The following HIPK1 variants were observed in gnomAD, a reference collection of about 807,000 sequenced individuals.
The protein encoded by HIPK1 is homeodomain interacting protein kinase 1, also known as homeodomain-interacting protein kinase 1.
A neutral mutation model predicts 117.1 loss-of-function variants in HIPK1; 28 were observed. The observed-to-expected ratio is 0.24, with a 90% confidence interval of 0.18 to 0.33. The LOEUF is 0.33. Ranked by LOEUF, HIPK1 falls within the 10% of genes least tolerant of loss-of-function variation. The pLI, the probability that HIPK1 is intolerant of heterozygous loss-of-function variation, is 1.00. For synonymous variants in HIPK1, 605 were observed against 562.5 expected (o/e 1.08, Z -1.07); for missense variants, 1,122 against 1,475.1 (o/e 0.76, Z 3.92).
chr1:113,975,437 A>G lies in HIPK1; in HGVS notation c.*1925A>G, dbSNP rs1343963209. The G allele has an allele frequency of 2.6e-5, 4 of 152,744 alleles. No homozygotes were observed. Among genetic ancestry groups the G allele is most frequent in the Non-Finnish European group, 5.9e-5 (4 of 68,032 alleles). The allele number at this position is 152,744 out of a possible 1,614,324, so 9.5% of individuals were successfully genotyped here. A position where few individuals can be genotyped will look rare whatever the true frequency, so the allele number is the denominator to read the frequency against. Reference sequence around the variant, plus strand: ...GCGTTGCTACCTTGCTTCTGTGAGAATTCAGGAAGCAGGTGAGAGGAGTCA... The same window carrying G: ...GCGTTGCTACCTTGCTTCTGTGAGAGTTCAGGAAGCAGGTGAGAGGAGTCA... On this transcript the variant is annotated 3_prime_UTR_variant, in exon 16 of 16. Coordinates refer to ENST00000426820, the MANE Select transcript of HIPK1 (RefSeq NM_198268.3).
At chr1:113,936,232 G>GA (rs1400570104) in intron 1 of HIPK1, among the ~76,000 whole-genome samples, 1 of 152,204 alleles carries the variant, frequency 6.6e-6, no homozygotes, top group East Asian at 1.9e-4. Context: ...GAAGACCAGT[G>GA]AAAGAATTCT....
Position 113,962,357 on chromosome 1 carries a change from G to C in HIPK1, c.2022G>C (p.Val674=), listed in dbSNP as rs748077605. The C allele has an allele frequency of 6.2e-7, 1 of 1,613,952 alleles. No individual in the cohort carries two copies. Among genetic ancestry groups the C allele is most frequent in the South Asian group, 1.1e-5 (1 of 91,076 alleles). ...CAACAAAGCATTCTGGATTCCCTGT[G>C]AGGATGGATAATGCTGTACCGATTG... ...QATTKHSGFP[V]RMDNAVPIVP... is the part of the protein sequence containing the mutation. The change falls in exon 9 of 16, where the codon GTG becomes GTC. Residue 674 remains valine, a synonymous_variant. Transcript: ENST00000426820.
chr1:113,968,685 T>C (rs1672623288), intron 13 of HIPK1, 37 bp downstream of exon 13: 4 of 1,566,710 alleles, frequency 2.6e-6, no homozygotes, highest in Non-Finnish European at 3.5e-6. Context: ...CTATTGGTTT[T>C]AGACTGTTGG....
At chr1:113,948,902 A>G (rs939508140) in intron 2 of HIPK1, among the ~76,000 whole-genome samples, 2 of 152,142 alleles carry the variant, frequency 1.3e-5, no homozygotes, top group East Asian at 3.9e-4. Context: ...AATTGACGTA[A>G]TCTTGGCTCA....
intron 4 of HIPK1, 93 bp downstream of exon 4, chr1:113,954,863 G>A: frequency 8.3e-7 from 1 of 1,199,014 alleles, no homozygotes; most frequent in Non-Finnish European, 1.2e-6. Flanking sequence ...TCTTCAGGTA[G>A]AGAAGGGAAA....
intron 5 of HIPK1, among the ~76,000 whole-genome samples, chr1:113,956,109 C>T (rs1043512765): frequency 1.6e-5 from 2 of 123,736 alleles, no homozygotes; most frequent in African/African-American, 3.0e-5. Context: ...GAGTCTCACT[C>T]TATTGCCCAG....
At chr1:113,967,674 C>A in intron 11 of HIPK1, 92 bp from the exon 12 acceptor site, 1 of 817,056 alleles carries the variant, frequency 1.2e-6, no homozygotes, top group Admixed American at 3.0e-5. Context: ...TAAAATGCAG[C>A]TGCATTTTGG....
At position 113,957,130 on chromosome 1, in the gene HIPK1, G is replaced by A. The variant is rs559274718; in HGVS notation, c.1599G>A (p.Lys533=). 4.3e-6 allele frequency: 7 copies of A among 1,612,248 alleles called. No homozygotes were observed. The South Asian group carries it at 7.7e-5, about 18-fold the overall frequency. ...LLDFPHSNHV[K]SCFQNMEICK... ...TCTTTAATCTCCTTTTCAGTGTTAA[G>A]TCTTGTTTTCAGAACATGGAGATCT... Residue 533 remains lysine, a synonymous_variant, in exon 7 of 16, where the codon AAG becomes AAA. Transcript: ENST00000426820.
Position 113,958,237 on chromosome 1 carries a change from A to T in HIPK1, c.1927A>T (p.Thr643Ser). ...GCAGCCTGGAACCACCCAGATTTGC[A>T]CTCAGACAGATCCATTCCAACAGAC... Reference protein sequence around the residue: ...SLQPGTTQICTQTDPFQQTFI... With the variant: ...SLQPGTTQICSQTDPFQQTFI... The change falls in exon 8 of 16, where the codon ACT becomes TCT. Residue 643 changes from threonine (T) to serine (S), a missense_variant. Around this residue, in one of 6 missense-constraint regions of HIPK1, gnomAD observed 731 missense variants for 860.4 expected, o/e 0.85. Coordinates refer to ENST00000426820, the MANE Select transcript of HIPK1 (RefSeq NM_198268.3). 6.2e-7 allele frequency: 1 copy of T among 1,614,158 alleles called. No homozygotes were observed. The highest frequency in any genetic ancestry group is 8.5e-7 in the Non-Finnish European group (1 of 1,180,026).
chr1:113,948,639 C>T (rs1671142355), intron 2 of HIPK1, among the ~76,000 whole-genome samples: 2 of 150,376 alleles, frequency 1.3e-5, no homozygotes, highest in South Asian at 4.2e-4. Context: ...GGTAGAGTTG[C>T]TGTTTTGACT....
At chr1:113,958,505 TTA>T (rs1165419604) in intron 8 of HIPK1, among the ~76,000 whole-genome samples, 5 of 152,248 alleles carry the variant, frequency 3.3e-5, no homozygotes, top group African/African-American at 7.2e-5. Flanking sequence ...AGAGCTCACT[TTA>T]TGTTTCCTTA....
intron 2 of HIPK1, among the ~76,000 whole-genome samples, chr1:113,945,079 G>T (rs1670901538): frequency 6.6e-6 from 1 of 151,604 alleles, no homozygotes; most frequent in East Asian, 2.0e-4. Flanking sequence ...AAACTCATAG[G>T]CTCAAGTGAT....
In HIPK1 at chr1:113,973,240, G is replaced by C; in HGVS notation, c.3361G>C (p.Ala1121Pro). 1 of 1,614,056 alleles carries C rather than the reference G, an allele frequency of 6.2e-7. No individual in the cohort carries two copies. The highest frequency in any genetic ancestry group is 8.5e-7 in the Non-Finnish European group (1 of 1,180,020). ...TACGTATGCTGCCCCGACTTCTGCTGCTGCACTGGGCTCAACCAGCTCCAT... is the reference window on the plus strand; with the variant it reads ...TACGTATGCTGCCCCGACTTCTGCTCCTGCACTGGGCTCAACCAGCTCCAT... Reference protein sequence around the residue: ...LYTYAAPTSAAALGSTSSIAH... With the variant: ...LYTYAAPTSAPALGSTSSIAH... Residue 1121 changes from alanine (A) to proline (P), a missense_variant, in exon 16 of 16, where the codon GCT (alanine) becomes CCT (proline). Ala to Pro is a conservative substitution (Grantham distance 27). Transcript: ENST00000426820.
intron 2 of HIPK1, among the ~76,000 whole-genome samples, chr1:113,949,889 C>T (rs1329619627): frequency 3.3e-5 from 5 of 152,108 alleles, no homozygotes; most frequent in Admixed American, 1.3e-4. Context: ...CATGAGCCAC[C>T]GCACCCGGCC....
chr1:113,945,730 C>G (rs1169664102), intron 2 of HIPK1, among the ~76,000 whole-genome samples: 1 of 152,122 alleles, frequency 6.6e-6, no homozygotes, highest in Non-Finnish European at 1.5e-5. Context: ...TATGCCAGTA[C>G]CACATTGTTT....
chr1:113,931,347 T>C (rs1049817124), intron 1 of HIPK1, among the ~76,000 whole-genome samples: 2 of 152,216 alleles, frequency 1.3e-5, no homozygotes, highest in South Asian at 2.1e-4. Flanking sequence ...TTCTGTGTTA[T>C]AATACTGTTA....
At chr1:113,958,338 C>T (rs1463664565) in intron 8 of HIPK1, 47 bp downstream of exon 8, 7 of 1,277,268 alleles carry the variant, frequency 5.5e-6, no homozygotes, top group Non-Finnish European at 7.8e-6. Flanking sequence ...TCAGACCTAC[C>T]TGCTTTAGGC....
intron 1 of HIPK1, among the ~76,000 whole-genome samples, chr1:113,934,663 A>T (rs1670130384): frequency 6.6e-6 from 1 of 151,742 alleles, no homozygotes; most frequent in African/African-American, 2.4e-5. Flanking sequence ...ATAACTTTTT[A>T]TGCCAGGTAC....
chr1:113,937,464 T>TA (rs533322128), intron 1 of HIPK1, among the ~76,000 whole-genome samples: 58 of 145,804 alleles, frequency 4.0e-4, no homozygotes, highest in Middle Eastern at 3.5e-3. Flanking sequence ...GGGAAGACAT[T>TA]AAAAAAAAAA....
Sources: allele counts gnomAD v4.1 joint callset (sites outside exome capture counted in the v4.1 genomes callset), GRCh38; gene constraint gnomAD v4.1.1; regional missense constraint gnomAD v4.1.1; transcripts MANE v1.5; gene names NCBI Gene and HGNC (gene_info 2026-07-23, HGNC 2026-07-21).